KIF5C: variants seen among roughly 807,000 people sequenced by gnomAD.
KIF5C encodes the protein kinesin heavy chain isoform 5C.
In KIF5C, 18 loss-of-function variants were observed where a neutral mutation model predicts 125.2. That is an observed-to-expected ratio of 0.14 (90% confidence interval 0.10 to 0.21). The LOEUF is 0.21. Among genes scored for constraint, KIF5C ranks in the 10% least tolerant of loss-of-function variants. KIF5C has a pLI of 1.00. For synonymous variants in KIF5C, 405 were observed against 434.0 expected, an observed-to-expected ratio of 0.93 and a Z score of 0.83; for missense variants, 780 against 1,183.8, an observed-to-expected ratio of 0.66 and a Z score of 5.01.
At chr2:148,975,037 G>A (rs1265094700) in intron 12 of KIF5C, among the ~76,000 whole-genome samples, 1 of 152,230 alleles carries the variant, frequency 6.6e-6, no homozygotes, top group Non-Finnish European at 1.5e-5. Context: ...TGGCTTGAGA[G>A]TCTCCGTCTC....
At chr2:148,921,025 G>A (rs181930440) in intron 1 of KIF5C, among the ~76,000 whole-genome samples, 232 of 152,270 alleles carry the variant, frequency 1.5e-3, no homozygotes, top group Middle Eastern at 3.4e-3. Flanking sequence ...CTGCCTGGGC[G>A]GTGGTGGTAG....
chr2:148,907,822 A>G (rs776701837), intron 1 of KIF5C, among the ~76,000 whole-genome samples: 1 of 152,232 alleles, frequency 6.6e-6, no homozygotes, highest in African/African-American at 2.4e-5. Context: ...TCTGTGGCTC[A>G]GGGGCAGTCA....
At chr2:148,995,647 G>C (rs930173667) in intron 17 of KIF5C, among the ~76,000 whole-genome samples, 1 of 152,206 alleles carries the variant, frequency 6.6e-6, no homozygotes, top group South Asian at 2.1e-4. Flanking sequence ...CATACCTTTT[G>C]ATCATCACAC....
At chr2:148,949,259 A>G (rs912634953) in intron 8 of KIF5C, among the ~76,000 whole-genome samples, 1 of 152,186 alleles carries the variant, frequency 6.6e-6, no homozygotes, top group East Asian at 1.9e-4. Flanking sequence ...ACGATGCAGT[A>G]TACATTTGAC....
Position 148,875,568 on chromosome 2 carries a change from G to T in KIF5C, c.-50G>T, listed in dbSNP as rs768468075. 1.3e-6 allele frequency: 1 copy of T among 792,784 alleles called. No individual in the cohort carries two copies. Among genetic ancestry groups the T allele is most frequent in the South Asian group, 1.5e-5 (1 of 67,698 alleles). The allele number at this position is 792,784 out of a possible 1,614,324, so 49.1% of individuals were successfully genotyped here. On this transcript the variant is annotated 5_prime_UTR_variant, in exon 1 of 26. Transcript: ENST00000435030. ...CGCGGCCTCCTCCCTCGTCGTTCCC[G>T]GCCCCGGCCCCCCACCCATCCCCGT...
Position 148,983,673 on chromosome 2 carries a change from C to G in KIF5C, c.1623C>G (p.Asn541Lys). 1 of 1,610,004 alleles carries G rather than the reference C, an allele frequency of 6.2e-7. No homozygotes were observed. Among genetic ancestry groups the G allele is most frequent in the Non-Finnish European group, 8.5e-7 (1 of 1,177,326 alleles). ...RELSQLQELS[N>K]HQKKRATEIL... ...TGAGCCAGCTACAAGAGCTTAGCAA[C>G]CACCAGAAGAAAAGGGCAACTGAGA... The change falls in exon 15 of 26, where the codon AAC becomes AAG. Residue 541 changes from asparagine (N) to lysine (K), a missense_variant. This residue lies in a region of KIF5C where 573 missense variants were observed against 742.6 expected (regional missense o/e 0.77). Transcript: ENST00000435030.
chr2:148,911,242 A>C (rs1303775603), intron 1 of KIF5C, among the ~76,000 whole-genome samples: 1 of 152,178 alleles, frequency 6.6e-6, no homozygotes, highest in Admixed American at 6.5e-5. Flanking sequence ...CCAGTGAGAG[A>C]TCTGGAGACA....
At chr2:148,957,395 A>G (rs1380042093) in intron 10 of KIF5C, among the ~76,000 whole-genome samples, 1 of 152,188 alleles carries the variant, frequency 6.6e-6, no homozygotes, top group African/African-American at 2.4e-5. Context: ...TGAATGTCCA[A>G]ATAGAAAGAA....
chr2:148,902,951 C>CT (rs1255864433), intron 1 of KIF5C, among the ~76,000 whole-genome samples: 2 of 152,164 alleles, frequency 1.3e-5, no homozygotes, highest in African/African-American at 4.8e-5. Context: ...GCTTATTCCT[C>CT]TAATTCCTAA....
chr2:149,023,751 G>C lies in KIF5C; in HGVS notation c.*681G>C, dbSNP rs1292906189. On this transcript the variant is annotated 3_prime_UTR_variant, in exon 26 of 26. Transcript: ENST00000435030. ...AAATACATCTGTGTAAATGCAAAAA[G>C]TCATAAAATTCACCTCCGAGCTGCT... The C allele has an allele frequency of 6.6e-6, 1 of 152,270 alleles. No individual in the cohort carries two copies. The highest frequency in any genetic ancestry group is 1.5e-5 in the Non-Finnish European group (1 of 68,036). 9.4% of individuals were successfully genotyped at this position (152,270 alleles called of 1,614,324 possible).
At chr2:148,970,557 G>A (rs111477454) in intron 11 of KIF5C, among the ~76,000 whole-genome samples, 8 of 152,220 alleles carry the variant, frequency 5.3e-5, no homozygotes, top group Admixed American at 2.6e-4. Flanking sequence ...TCCTGCCATA[G>A]CACTGGAGAT....
intron 7 of KIF5C, 107 bp downstream of exon 7, chr2:148,942,867 G>T: frequency 9.1e-6 from 14 of 1,531,158 alleles, no homozygotes; most frequent in Non-Finnish European, 1.2e-5. Context: ...TGCATGGGAA[G>T]GTGATTAAAG....
chr2:148,922,780 C>T (rs1681840091), intron 2 of KIF5C, among the ~76,000 whole-genome samples: 1 of 152,216 alleles, frequency 6.6e-6, no homozygotes, highest in Non-Finnish European at 1.5e-5. Flanking sequence ...ATTATGCTTT[C>T]TCCTAACCCA....
intron 7 of KIF5C, among the ~76,000 whole-genome samples, chr2:148,945,590 G>A (rs1558909884): frequency 6.6e-6 from 1 of 152,044 alleles, no homozygotes; most frequent in Non-Finnish European, 1.5e-5. Context: ...TGGGGTACAG[G>A]TGGTATTTGG....
chr2:148,971,286 GTCTGTCTATCTATCTA>G (rs1487263119), intron 11 of KIF5C, among the ~76,000 whole-genome samples: 70 of 134,592 alleles, frequency 5.2e-4, no homozygotes, highest in African/African-American at 1.4e-3. Context: ...CTGTCTGTCT[GTCTGTCTATCTATCTA>G]TCTATCTATC....
chr2:148,884,142 C>T (rs1158683845), intron 1 of KIF5C: 1 of 152,210 alleles, frequency 6.6e-6, no homozygotes, highest in Non-Finnish European at 1.5e-5. Context: ...GCAATGCCTT[C>T]AGACTTTTAA....
chr2:148,953,510 A>G (rs1005405123), intron 10 of KIF5C, among the ~76,000 whole-genome samples: 2 of 152,232 alleles, frequency 1.3e-5, no homozygotes, highest in African/African-American at 4.8e-5. Flanking sequence ...AAGACTGAAC[A>G]TCGGATTAGA....
chr2:148,956,137 G>A lies in KIF5C; in HGVS notation c.968+5675G>A, dbSNP rs115299255. ...CTTCTCCCCACTCAAGGAGGGCTTC[G>A]TTCAAGTGCCAACTTACGAGGGTGC... is the stretch of plus-strand genomic sequence containing the variant. On this transcript the variant is annotated intron_variant, in intron 10 of 25. Transcript: ENST00000435030. 4.0e-3 allele frequency among the ~76,000 whole-genome samples: 605 copies of A among 152,290 alleles called. 4 individuals are homozygous for A. Among genetic ancestry groups the A allele is most frequent in the African/African-American group, 0.014 (573 of 41,556 alleles).
chr2:148,988,466 C>CAA, intron 15 of KIF5C, among the ~76,000 whole-genome samples: 1 of 152,324 alleles, frequency 6.6e-6, no homozygotes, highest in Middle Eastern at 3.4e-3. Flanking sequence ...GCATAAAAGA[C>CAA]AAAGTGTCCT....
Sources: allele counts gnomAD v4.1 joint callset (sites outside exome capture counted in the v4.1 genomes callset), GRCh38; gene constraint gnomAD v4.1.1; regional missense constraint gnomAD v4.1.1; transcripts MANE v1.5; gene names NCBI Gene and HGNC (gene_info 2026-07-23, HGNC 2026-07-21).